PRKDC: variants seen among roughly 807,000 people sequenced by gnomAD.
PRKDC encodes protein kinase, DNA-activated, catalytic subunit.
Under a neutral mutation model 486.9 loss-of-function variants are expected in PRKDC, and 82 were observed. That is an observed-to-expected ratio of 0.17 (90% confidence interval 0.14 to 0.20). The LOEUF (loss-of-function observed/expected upper bound fraction) is 0.20, where lower values mean the gene tolerates loss of function less well. Ranked by LOEUF, PRKDC falls within the 10% of genes least tolerant of loss-of-function variation. PRKDC has a pLI of 1.00. For missense variants in PRKDC, 4,504 were observed against 5,038.2 expected, an observed-to-expected ratio of 0.89 and a Z score of 3.21; for synonymous variants, 1,895 against 1,837.0, an observed-to-expected ratio of 1.03 and a Z score of -0.81.
intron 63 of PRKDC, among the ~76,000 whole-genome samples, chr8:47,825,504 CAAAAAAA>C (rs397891351): frequency 6.8e-4 from 7 of 10,244 alleles, no homozygotes; most frequent in Non-Finnish European, 9.9e-4. Flanking sequence ...AAGACTGTCT[CAAAAAAA>C]AAAAAAAAAA....
Position 47,774,112 on chromosome 8 carries a change from C to T in PRKDC, c.*61G>A, listed in dbSNP as rs2086563824. Reference sequence around the variant, plus strand: ...AAATCAGCTCATGGAATGCTGCCAACCAAAGTATAGTAGATTCTTTAAACA... The same window carrying T: ...AAATCAGCTCATGGAATGCTGCCAATCAAAGTATAGTAGATTCTTTAAACA... On this transcript the variant is annotated 3_prime_UTR_variant, in exon 86 of 86. Coordinates refer to ENST00000314191, the MANE Select transcript of PRKDC (RefSeq NM_006904.7). The T allele has an allele frequency of 8.2e-6, 12 of 1,468,680 alleles. No individual in the cohort carries two copies. Among genetic ancestry groups the T allele is most frequent in the Non-Finnish European group, 1.1e-5 (12 of 1,101,712 alleles). 91.0% of individuals were successfully genotyped at this position (1,468,680 alleles called of 1,614,324 possible). A position where few individuals can be genotyped will look rare whatever the true frequency, so the allele number is the denominator to read the frequency against.
intron 52 of PRKDC, among the ~76,000 whole-genome samples, chr8:47,849,973 CACTGT>C (rs1401958112): frequency 6.6e-6 from 1 of 152,218 alleles, no homozygotes; most frequent in Non-Finnish European, 1.5e-5. Flanking sequence ...CAGTCCCCAT[CACTGT>C]ACTGTCTGCT....
At position 47,936,395 on chromosome 8, in the gene PRKDC, G is replaced by A. The variant is rs371084198; in HGVS notation, c.1236C>T (p.Ser412=). ...TGDDRVYQMP[S]FLQSVASVLL... is the part of the protein sequence containing the mutation. ...AGACGCTTGCAACAGACTGGAGGAA[G>A]CTTGGCATCTGATAAACACGGTCGT... Residue 412 remains serine (S), a synonymous_variant, in exon 12 of 86, where the codon AGC becomes AGT. Transcript: ENST00000314191. The A allele has an allele frequency of 2.9e-5, 47 of 1,613,942 alleles. No individual in the cohort carries two copies. In the East Asian group the frequency reaches 3.3e-4, roughly 11 times the overall value.
chr8:47,915,068 G>C (rs1217474203), intron 23 of PRKDC, among the ~76,000 whole-genome samples: 1 of 152,172 alleles, frequency 6.6e-6, no homozygotes, highest in African/African-American at 2.4e-5. Flanking sequence ...ATATGGAAAA[G>C]AGTATCAAAT....
rs769896993 is a variant in PRKDC, at chr8:47,858,970, G to A, written c.6224C>T (p.Thr2075Met). 1.5e-5 allele frequency: 24 copies of A among 1,612,864 alleles called. No individual in the cohort carries two copies. The highest frequency in any genetic ancestry group is 4.5e-5 in the East Asian group (2 of 44,890). Residue 2075 changes from threonine to methionine, a missense_variant, in exon 47 of 86, where the codon ACG becomes ATG. Transcript: ENST00000314191. Reference protein sequence around the residue: ...RFRRREQRDPTVHDDVLELEM... With the variant: ...RFRRREQRDPMVHDDVLELEM... Reference sequence around the variant, plus strand: ...CAGCTCCAGCACATCATCATGCACCGTGGGGTCCCGCTGCTCCTGCGAAAG... The same window carrying A: ...CAGCTCCAGCACATCATCATGCACCATGGGGTCCCGCTGCTCCTGCGAAAG...
At chr8:47,956,015 T>G in intron 3 of PRKDC, 67 bp from the exon 4 acceptor site, 5 of 1,131,564 alleles carry the variant, frequency 4.4e-6, no homozygotes, top group Non-Finnish European at 6.4e-6. Context: ...CAGCAATACC[T>G]GAAACTACTT....
At chr8:47,881,282 G>A (rs578068955) in intron 38 of PRKDC, 134 bp downstream of exon 38, 46 of 614,308 alleles carry the variant, frequency 7.5e-5, no homozygotes, top group Admixed American at 4.1e-4. Context: ...TAAGTACGGG[G>A]GATTACTGTG....
chr8:47,880,316 C>G (rs1409064483), intron 38 of PRKDC, among the ~76,000 whole-genome samples: 1 of 152,132 alleles, frequency 6.6e-6, no homozygotes, highest in Non-Finnish European at 1.5e-5. Context: ...TTTTGAATAA[C>G]CTAAGGAGGA....
chr8:47,927,794 T>C lies in PRKDC; in HGVS notation c.2236A>G (p.Arg746Gly), dbSNP rs2090178056. 2 of 1,575,552 alleles carry C rather than the reference T, an allele frequency of 1.3e-6. No homozygotes were observed. The highest frequency in any genetic ancestry group is 8.6e-7 in the Non-Finnish European group (1 of 1,164,984). ...ACCTGCAGTGCAGGAACGTAGGCTC[T>C]AACATCGAGTTCAATGATGTTGTGT... is the stretch of plus-strand genomic sequence containing the variant. ...LPHNIIELDVRAYVPALQMAF... is the reference protein window; with the variant it reads ...LPHNIIELDVGAYVPALQMAF... Residue 746 changes from arginine (R) to glycine (G), a missense_variant, in exon 20 of 86, where the codon AGA becomes GGA. Around this residue, in one of 6 missense-constraint regions of PRKDC, gnomAD observed 1,969 missense variants for 2,068.9 expected, o/e 0.95. Transcript: ENST00000314191.
intron 24 of PRKDC, 112 bp from the exon 25 acceptor site, chr8:47,912,674 C>G (rs1027686745): frequency 3.5e-5 from 35 of 988,068 alleles, no homozygotes; most frequent in Non-Finnish European, 4.9e-5. Flanking sequence ...TTGCACATAA[C>G]TATCATGTAA....
intron 74 of PRKDC, among the ~76,000 whole-genome samples, chr8:47,792,957 C>T (rs955225099): frequency 5.3e-5 from 8 of 152,242 alleles, no homozygotes; most frequent in Non-Finnish European, 8.8e-5. Context: ...TCATAGCTCA[C>T]TGCAGCCTTG....
chr8:47,801,879 T>C lies in PRKDC; in HGVS notation c.9923-893A>G, dbSNP rs530927152. Among the ~76,000 whole-genome samples, 6 of 152,164 alleles carry C rather than the reference T, an allele frequency of 3.9e-5. 1 individual carries two copies. In the South Asian group the frequency reaches 1.0e-3, roughly 26 times the overall value. On this transcript the variant is annotated intron_variant, in intron 70 of 85. Coordinates refer to ENST00000314191, the MANE Select transcript of PRKDC (RefSeq NM_006904.7). The stretch of plus-strand genomic sequence containing the variant: ...ATGTGACAGTTCTCTGCCAAAGTTA[T>C]CTCACATACAGGATCACAACTACTG...
At chr8:47,796,467 A>G (rs2086987893) in intron 73 of PRKDC, among the ~76,000 whole-genome samples, 1 of 152,184 alleles carries the variant, frequency 6.6e-6, no homozygotes. Context: ...TTTGCCTTAC[A>G]TCCTTTAATC....
At chr8:47,780,174 C>T (rs921895964) in intron 80 of PRKDC, among the ~76,000 whole-genome samples, 1 of 152,130 alleles carries the variant, frequency 6.6e-6, no homozygotes, top group Non-Finnish European at 1.5e-5. Context: ...CTTGGCCTCC[C>T]AAAGTGCTGG....
At position 47,907,411 on chromosome 8, in the gene PRKDC, T is replaced by TAC. The variant is rs746467406; in HGVS notation, c.2935-2437_2935-2436dup. Among the ~76,000 whole-genome samples the TAC allele has an allele frequency of 9.6e-3, 1,427 of 148,918 alleles. 26 individuals carry two copies. Among genetic ancestry groups the TAC allele is most frequent in the African/African-American group, 0.033 (1,330 of 40,528 alleles). On this transcript the variant is annotated intron_variant, in intron 25 of 85. Transcript: ENST00000314191. ...GTATACATAGCTATATATATATATA[T>TAC]ACACACACACACACACACACACACA...
At chr8:47,939,448 G>A in intron 11 of PRKDC, 103 bp downstream of exon 11, 2 of 1,313,968 alleles carry the variant, frequency 1.5e-6, no homozygotes, top group East Asian at 2.3e-5. Context: ...AGGGTCTACT[G>A]TATTGTTACA....
In PRKDC at chr8:47,930,680, T is replaced by C. The variant is rs771172479; in HGVS notation, c.1884A>G (p.Glu628=). ...KDFSAFINLV[E]FCREILPEKQ... ...AGAATTTTACCAAATACCTGCAAAA[T>C]TCCACCAGGTTAATGAAAGCCGAAA... The change falls in exon 17 of 86, where the codon GAA becomes GAG. Residue 628 remains glutamate (E), a synonymous_variant. Transcript: ENST00000314191. 3.8e-6 allele frequency: 6 copies of C among 1,566,544 alleles called. No homozygotes were observed. The highest frequency in any genetic ancestry group is 8.7e-7 in the Non-Finnish European group (1 of 1,155,632).
At chr8:47,861,017 A>C in intron 44 of PRKDC, 46 bp from the exon 45 acceptor site, 1 of 1,296,180 alleles carries the variant, frequency 7.7e-7, no homozygotes, top group Non-Finnish European at 1.1e-6. Context: ...TTATAATAAT[A>C]GTGATACTTT....
chr8:47,954,089 A>C (rs116575876), intron 5 of PRKDC, among the ~76,000 whole-genome samples, 170 bp from the exon 6 acceptor site: 41 of 152,330 alleles, frequency 2.7e-4, no homozygotes, highest in African/African-American at 9.6e-4. Flanking sequence ...GTTTTATGCA[A>C]ATGTATTAAT....
Sources: allele counts gnomAD v4.1 joint callset (sites outside exome capture counted in the v4.1 genomes callset), GRCh38; gene constraint gnomAD v4.1.1; regional missense constraint gnomAD v4.1.1; transcripts MANE v1.5; gene names NCBI Gene and HGNC (gene_info 2026-07-23, HGNC 2026-07-21).